The following PREX2 variants were observed in gnomAD, a reference collection of about 807,000 sequenced individuals.
The protein encoded by PREX2 is phosphatidylinositol 3,4,5-trisphosphate-dependent Rac exchanger 2 protein.
A neutral mutation model predicts 203.2 loss-of-function variants in PREX2; 107 were observed. The ratio of observed to expected loss-of-function variants is 0.53; its 90% CI spans 0.45 to 0.62. PREX2 has a LOEUF of 0.62. PREX2 is among the 20% of genes least tolerant of loss of function. The pLI, the probability that PREX2 is intolerant of heterozygous loss-of-function variation, is 0.00. For synonymous variants in PREX2, 672 were observed against 663.6 expected, an observed-to-expected ratio of 1.01 and a Z score of -0.19; for missense variants, 1,777 against 1,955.9, an observed-to-expected ratio of 0.91 and a Z score of 1.72.
chr8:68,000,554 T>G (rs1440100013), intron 1 of PREX2, among the ~76,000 whole-genome samples: 1 of 152,138 alleles, frequency 6.6e-6, no homozygotes, highest in Admixed American at 6.6e-5. Flanking sequence ...TGTTATTCCT[T>G]TTAAACTACC....
At chr8:68,024,435 T>C (rs1025004545) in intron 4 of PREX2, among the ~76,000 whole-genome samples, 1 of 152,058 alleles carries the variant, frequency 6.6e-6, no homozygotes, top group Non-Finnish European at 1.5e-5. Flanking sequence ...TCTTTGTCCT[T>C]GTGGCATTTC....
At chr8:68,090,791 C>G (rs1420215367) in intron 20 of PREX2, 76 bp downstream of exon 20, 1 of 1,265,212 alleles carries the variant, frequency 7.9e-7, no homozygotes, top group Non-Finnish European at 1.1e-6. Context: ...TGGGATAGTG[C>G]CAGAGATATT....
rs1188011743 is a variant in PREX2, at chr8:68,235,204, G to A, written c.*3826G>A. ...AGAGCAGTTATTCACTTATACTTCTGAAAAGCCATAATATTGAAATTTAAA... is the reference window on the plus strand; with the variant it reads ...AGAGCAGTTATTCACTTATACTTCTAAAAAGCCATAATATTGAAATTTAAA... On this transcript the variant is annotated 3_prime_UTR_variant, in exon 40 of 40. Coordinates refer to ENST00000288368, the MANE Select transcript of PREX2 (RefSeq NM_024870.4). The A allele has an allele frequency of 6.6e-6, 1 of 152,008 alleles. No individual in the cohort carries two copies. The highest frequency in any genetic ancestry group is 1.5e-5 in the Non-Finnish European group (1 of 67,972). The allele number at this position is 152,008 out of a possible 1,614,324, so 9.4% of individuals were successfully genotyped here.
intron 5 of PREX2, among the ~76,000 whole-genome samples, chr8:68,028,793 TA>T (rs932284265): frequency 2.6e-5 from 4 of 152,060 alleles, no homozygotes; most frequent in African/African-American, 7.2e-5. Context: ...ATAGGGAGAT[TA>T]AAAGGTTACA....
intron 15 of PREX2, among the ~76,000 whole-genome samples, chr8:68,078,915 T>C (rs1809432451): frequency 6.6e-6 from 1 of 152,204 alleles, no homozygotes; most frequent in Admixed American, 6.5e-5. Flanking sequence ...TGCCTGGCTT[T>C]ATTGATGCCC....
chr8:68,143,857 A>G (rs1188697244), intron 33 of PREX2, among the ~76,000 whole-genome samples: 2 of 152,074 alleles, frequency 1.3e-5, no homozygotes, highest in Non-Finnish European at 2.9e-5. Context: ...TTTTGGGTTA[A>G]TTTTTGTGGA....
intron 7 of PREX2, among the ~76,000 whole-genome samples, chr8:68,041,884 A>G (rs759921678): frequency 3.3e-5 from 5 of 152,122 alleles, no homozygotes; most frequent in African/African-American, 4.8e-5. Flanking sequence ...ATGATATTAT[A>G]TGGTCTTATG....
intron 1 of PREX2, among the ~76,000 whole-genome samples, chr8:67,990,532 C>A (rs1327224150): frequency 6.9e-6 from 1 of 144,400 alleles, no homozygotes; most frequent in Admixed American, 7.0e-5. Flanking sequence ...TTTTTTGAGT[C>A]TGATTCTTGC....
At chr8:68,095,500 A>AATACATACATAC (rs372847646) in intron 21 of PREX2, among the ~76,000 whole-genome samples, 5 of 78,060 alleles carry the variant, frequency 6.4e-5, no homozygotes, top group South Asian at 4.6e-4. Flanking sequence ...AACGGGGCCA[A>AATACATACATAC]ATACATACAT....
chr8:68,031,041 G>A (rs912690509), intron 6 of PREX2, among the ~76,000 whole-genome samples: 4 of 152,092 alleles, frequency 2.6e-5, no homozygotes, highest in Non-Finnish European at 5.9e-5. Flanking sequence ...ATTACTTTCA[G>A]ACTCTAAATT....
chr8:68,128,541 G>A (rs1022658031), intron 31 of PREX2, among the ~76,000 whole-genome samples: 1 of 152,118 alleles, frequency 6.6e-6, no homozygotes, highest in Non-Finnish European at 1.5e-5. Flanking sequence ...AGGTGATCTA[G>A]GGTGGCCTTG....
chr8:68,147,594 A>C (rs1285836442), intron 34 of PREX2, among the ~76,000 whole-genome samples: 1 of 152,222 alleles, frequency 6.6e-6, no homozygotes, highest in Non-Finnish European at 1.5e-5. Flanking sequence ...TAAGTCCATT[A>C]GACCTCTTTC....
At chr8:68,098,327 T>C (rs1246909345) in intron 22 of PREX2, among the ~76,000 whole-genome samples, 3 of 152,184 alleles carry the variant, frequency 2.0e-5, no homozygotes, top group Admixed American at 2.0e-4. Context: ...CTAACATGTA[T>C]TTTTAAAATT....
intron 35 of PREX2, 73 bp from the exon 36 acceptor site, chr8:68,191,649 T>G: frequency 9.1e-7 from 1 of 1,093,408 alleles, no homozygotes; most frequent in South Asian, 1.3e-5. Flanking sequence ...AAGTCAGTGA[T>G]TCTTGAACAT....
At position 67,961,814 on chromosome 8, in the gene PREX2, C is replaced by T. The variant is rs185546913; in HGVS notation, c.141+9279C>T. 2.5e-3 allele frequency among the ~76,000 whole-genome samples: 378 copies of T among 152,204 alleles called. 1 individual carries two copies. Among genetic ancestry groups the T allele is most frequent in the African/African-American group, 8.6e-3 (357 of 41,538 alleles). ...ATTTGTTGTATAGCCTTACATATAA[C>T]GGAGCATAGTGTACAAAAAGGGATC... On this transcript the variant is annotated intron_variant, in intron 1 of 39. Coordinates refer to ENST00000288368, the MANE Select transcript of PREX2 (RefSeq NM_024870.4).
At chr8:68,103,769 G>A (rs963652462) in intron 23 of PREX2, 1 of 517,222 alleles carries the variant, frequency 1.9e-6, no homozygotes, top group African/African-American at 1.9e-5. Flanking sequence ...CCCCACATAT[G>A]CCTGGTTTTT....
Position 68,029,665 on chromosome 8 carries a change from G to T in PREX2, c.544-832G>T, listed in dbSNP as rs549546891. 2.0e-5 allele frequency among the ~76,000 whole-genome samples: 3 copies of T among 152,204 alleles called. No homozygotes were observed. In the South Asian group the frequency reaches 6.2e-4, roughly 32 times the overall value. The stretch of plus-strand genomic sequence containing the variant: ...TAATTGTGTTAGTTACGTGATGATG[G>T]CAACCATAGTAAGGAAACACATGAC... On this transcript the variant is annotated intron_variant, in intron 5 of 39. Coordinates refer to ENST00000288368, the MANE Select transcript of PREX2 (RefSeq NM_024870.4).
At chr8:68,047,474 TATATA>T (rs1808389166) in intron 8 of PREX2, among the ~76,000 whole-genome samples, 1 of 4,100 alleles carries the variant, frequency 2.4e-4, no homozygotes, top group Non-Finnish European at 4.2e-4. Context: ...TGAATTTATA[TATATA>T]TATATATATA....
intron 2 of PREX2, 151 bp downstream of exon 2, chr8:68,018,068 G>T (rs2129610165): frequency 1.6e-6 from 1 of 631,220 alleles, no homozygotes; most frequent in Admixed American, 2.6e-5. Flanking sequence ...ATTTTAAAAA[G>T]GAGAAATAGG....
Sources: gnomAD v4.1 joint callset for allele counts (sites outside exome capture counted in the v4.1 genomes callset) on GRCh38, gnomAD v4.1.1 for gene constraint, MANE v1.5 for transcripts, NCBI Gene and HGNC (gene_info 2026-07-23, HGNC 2026-07-21) for gene names.